Variants in KAZN observed in about 807,000 individuals in gnomAD.
KAZN encodes kazrin, periplakin interacting protein, also known as kazrin.
In KAZN, 40 loss-of-function variants were observed where a neutral mutation model predicts 87.4. That is an observed-to-expected ratio of 0.46 (90% confidence interval 0.36 to 0.60). KAZN has a LOEUF of 0.60. KAZN is among the 20% of genes least tolerant of loss of function. The pLI, the probability that KAZN is intolerant of heterozygous loss-of-function variation, is 0.00. For synonymous variants in KAZN, 466 were observed against 458.3 expected (o/e 1.02, Z -0.22); for missense variants, 898 against 1,073.9 (o/e 0.84, Z 2.29).
intron 2 of KAZN, among the ~76,000 whole-genome samples, chr1:15,027,102 G>C (rs539886205): frequency 0.015 from 382 of 25,708 alleles, 9 homozygotes; most frequent in African/African-American, 0.039. Flanking sequence ...TTTTTTTTGA[G>C]ACAGAGTCTC....
intron 1 of KAZN, among the ~76,000 whole-genome samples, chr1:14,952,109 G>A (rs1287520853): frequency 1.3e-5 from 2 of 152,194 alleles, no homozygotes; most frequent in African/African-American, 4.8e-5. Context: ...AGGGGTGGCA[G>A]CAGCCATGGT....
chr1:14,903,723 C>A (rs1656185273), intron 1 of KAZN, among the ~76,000 whole-genome samples: 1 of 152,206 alleles, frequency 6.6e-6, no homozygotes, highest in Non-Finnish European at 1.5e-5. Context: ...GCTTTAAAAT[C>A]AATTTTAAAA....
At chr1:14,811,645 T>A (rs768993054) in intron 1 of KAZN, among the ~76,000 whole-genome samples, 2 of 152,240 alleles carry the variant, frequency 1.3e-5, no homozygotes, top group Non-Finnish European at 2.9e-5. Flanking sequence ...TTTTACTAAA[T>A]TCTATCAATT....
At chr1:15,027,532 A>G (rs1352850510) in intron 2 of KAZN, among the ~76,000 whole-genome samples, 1 of 152,296 alleles carries the variant, frequency 6.6e-6, no homozygotes, top group South Asian at 2.1e-4. Flanking sequence ...AGAGCCTCAC[A>G]TTCTGATGGG....
chr1:14,562,747 C>A (rs1343288629), intron 2 of KAZN, among the ~76,000 whole-genome samples: 1 of 152,152 alleles, frequency 6.6e-6, no homozygotes, highest in African/African-American at 2.4e-5. Context: ...GCAAGGAGTG[C>A]CCTGTGTTTA....
At chr1:13,932,446 G>A (rs1034845519) in intron 1 of KAZN, among the ~76,000 whole-genome samples, 101 of 151,990 alleles carry the variant, frequency 6.6e-4, no homozygotes, top group East Asian at 3.1e-3. Flanking sequence ...ATTTTTAGTA[G>A]AGACGGGGTT....
intron 1 of KAZN, among the ~76,000 whole-genome samples, chr1:14,698,713 C>G (rs1005639153): frequency 2.6e-5 from 4 of 152,222 alleles, no homozygotes; most frequent in African/African-American, 7.2e-5. Flanking sequence ...GCCTCCTCAG[C>G]GCCAGCACCA....
At chr1:14,853,175 G>A (rs577349007) in intron 1 of KAZN, among the ~76,000 whole-genome samples, 1 of 152,178 alleles carries the variant, frequency 6.6e-6, no homozygotes, top group African/African-American at 2.4e-5. Flanking sequence ...AAGCAGACTA[G>A]GTCCCTCCCC....
Position 14,472,644 on chromosome 1 carries a change from C to CTT in KAZN, c.250-126326_250-126325dup, listed in dbSNP as rs796277890. On this transcript the variant is annotated intron_variant, in intron 2 of 16. Transcript: ENST00000636203. ...AGTAATGCCTACAGCAAAGAAGCTT[C>CTT]TTTTTTTTTTTTTTCCTTCACAATT... Among the ~76,000 whole-genome samples the CTT allele has an allele frequency of 7.1e-5, 10 of 140,764 alleles. No homozygotes were observed. The East Asian group carries it at 1.4e-3, about 20-fold the overall frequency. The allele number at this position is 140,764 out of a possible 152,430, so 92.3% of individuals were successfully genotyped here. A position where few individuals can be genotyped will look rare whatever the true frequency, so the allele number is the denominator to read the frequency against.
chr1:14,749,112 A>G (rs1431738718), intron 1 of KAZN, among the ~76,000 whole-genome samples: 1 of 152,190 alleles, frequency 6.6e-6, no homozygotes, highest in Non-Finnish European at 1.5e-5. Context: ...AGGGTGATAA[A>G]TAAACGTGGT....
chr1:14,756,909 A>G (rs972322686), intron 1 of KAZN, among the ~76,000 whole-genome samples: 1 of 152,264 alleles, frequency 6.6e-6, no homozygotes, highest in African/African-American at 2.4e-5. Flanking sequence ...TGCCAGCAGA[A>G]GGTAACGGAG....
chr1:14,773,183 C>G lies in KAZN; in HGVS notation c.226+173960C>G, dbSNP rs1281768576. 6.6e-6 allele frequency among the ~76,000 whole-genome samples: 1 copy of G among 152,092 alleles called. No individual in the cohort carries two copies. Among genetic ancestry groups the G allele is most frequent in the East Asian group, 1.9e-4 (1 of 5,170 alleles). ...TTAGAGGTGCCTGCTCCTTTTGGAG[C>G]CTTTCACAATTATCTTCAGGACAAA... On this transcript the variant is annotated intron_variant, in intron 1 of 14. Coordinates refer to ENST00000376030, the MANE Select transcript of KAZN (RefSeq NM_201628.3). The surrounding 1 kb of genome is among the most constrained non-coding windows in gnomAD (Gnocchi z 5.9).
chr1:14,121,859 C>G (rs138352994), intron 1 of KAZN, among the ~76,000 whole-genome samples: 1 of 152,274 alleles, frequency 6.6e-6, no homozygotes, highest in East Asian at 1.9e-4. Flanking sequence ...GAGTTACTTA[C>G]AGGAATATCT....
At chr1:14,906,037 C>T (rs898433148) in intron 1 of KAZN, among the ~76,000 whole-genome samples, 2 of 151,606 alleles carry the variant, frequency 1.3e-5, no homozygotes, top group African/African-American at 4.8e-5. Context: ...TATGGTGGCA[C>T]ATGCCTGTAA....
intron 1 of KAZN, among the ~76,000 whole-genome samples, chr1:14,867,252 G>T (rs1271274429): frequency 6.6e-6 from 1 of 152,216 alleles, no homozygotes; most frequent in African/African-American, 2.4e-5. Context: ...TGCCTTGAAG[G>T]TCTGTTGTTT....
intron 1 of KAZN, among the ~76,000 whole-genome samples, chr1:14,704,239 G>A (rs1642087672): frequency 1.3e-5 from 2 of 152,202 alleles, no homozygotes. Flanking sequence ...TCCCATTCAA[G>A]GGGATTTTGT....
chr1:14,126,232 T>C (rs1436306126), intron 1 of KAZN, among the ~76,000 whole-genome samples: 2 of 152,152 alleles, frequency 1.3e-5, no homozygotes, highest in African/African-American at 2.4e-5. Flanking sequence ...CAAACACCTT[T>C]CTCTCATTGT....
chr1:14,817,164 A>ACATCCAGT (rs1410554900), intron 1 of KAZN, among the ~76,000 whole-genome samples: 1 of 152,116 alleles, frequency 6.6e-6, no homozygotes, highest in Non-Finnish European at 1.5e-5. Context: ...TTGAGGCAAA[A>ACATCCAGT]CATCCAGTAC....
intron 2 of KAZN, among the ~76,000 whole-genome samples, chr1:14,251,845 C>A (rs1650074527): frequency 6.6e-6 from 1 of 151,780 alleles, no homozygotes; most frequent in Non-Finnish European, 1.5e-5. Context: ...GACGGGGTCT[C>A]ACTATGTTGC....
Sources: gnomAD v4.1 joint callset for allele counts (sites outside exome capture counted in the v4.1 genomes callset) on GRCh38, gnomAD v4.1.1 for gene constraint, Gnocchi (gnomAD v3.1) non-coding constraint, MANE v1.5 for transcripts, NCBI Gene and HGNC (gene_info 2026-07-23, HGNC 2026-07-21) for gene names.